Variants in PKHD1 observed in about 807,000 individuals in gnomAD.
PKHD1 encodes fibrocystin.
Under a neutral mutation model 412.0 loss-of-function variants are expected in PKHD1, and 291 were observed. The observed-to-expected ratio is 0.71, with a 90% confidence interval of 0.64 to 0.78. PKHD1 has a LOEUF of 0.78. PKHD1 is among the 30% of genes least tolerant of loss of function. PKHD1 has a pLI of 0.00. For missense variants in PKHD1, 4,825 were observed against 4,950.7 expected (o/e 0.97, Z 0.76); for synonymous variants, 1,777 against 1,821.5 (o/e 0.98, Z 0.62).
Position 52,083,258 on chromosome 6 carries a change from G to T in PKHD1, c.53-3C>A, listed in dbSNP as rs1021843705. 1.3e-6 allele frequency: 2 copies of T among 1,587,916 alleles called. No homozygotes were observed. The highest frequency in any genetic ancestry group is 1.7e-6 in the Non-Finnish European group (2 of 1,156,088). ...AATATGTAAACTCAGGTGACGTACT[G>T]TAAGTAAGTGAAAAAAAACATTGGT... is the stretch of plus-strand genomic sequence containing the variant. On this transcript the variant is annotated splice_polypyrimidine_tract_variant and splice_region_variant and intron_variant, in intron 2 of 66. Transcript: ENST00000371117.
At chr6:51,973,432 CGT>C (rs1404908037) in intron 35 of PKHD1, among the ~76,000 whole-genome samples, 1 of 152,136 alleles carries the variant, frequency 6.6e-6, no homozygotes, top group Non-Finnish European at 1.5e-5. Context: ...TATACACATA[CGT>C]TTATACCAAA....
At position 52,025,408 on chromosome 6, in the gene PKHD1, G is replaced by A. The variant is rs1320345398; in HGVS notation, c.4402C>T (p.Leu1468=). The A allele has an allele frequency of 1.2e-6, 2 of 1,610,160 alleles. No individual in the cohort carries two copies. Among genetic ancestry groups the A allele is most frequent in the African/African-American group, 1.3e-5 (1 of 74,784 alleles). ...SLNVTVLVNG[L]TSECQGNCTL... is the part of the protein sequence containing the mutation. ...CAATTCCCCTGACACTCGCTGGTTA[G>A]CCCATTGACCAGGACTGTGACGTTC... The change falls in exon 32 of 67, where the codon CTA becomes TTA. Residue 1468 remains leucine (L), a synonymous_variant. Transcript: ENST00000371117.
At chr6:51,684,171 G>A (rs757570111) in intron 60 of PKHD1, among the ~76,000 whole-genome samples, 2 of 152,014 alleles carry the variant, frequency 1.3e-5, no homozygotes, top group Non-Finnish European at 2.9e-5. Context: ...TTCCAAATAA[G>A]AAAGTTGAAC....
At chr6:51,921,427 G>A (rs1246047291) in intron 37 of PKHD1, among the ~76,000 whole-genome samples, 6 of 152,152 alleles carry the variant, frequency 3.9e-5, no homozygotes, top group Non-Finnish European at 5.9e-5. Context: ...TTCTCAAGGA[G>A]TATCTTTGTG....
chr6:51,694,749 A>G (rs1311838040), intron 60 of PKHD1, among the ~76,000 whole-genome samples: 2 of 152,044 alleles, frequency 1.3e-5, no homozygotes, highest in Non-Finnish European at 2.9e-5. Context: ...GTTCAAATCA[A>G]GAGTTGGTGC....
chr6:51,801,043 T>G (rs1762833679), intron 52 of PKHD1, among the ~76,000 whole-genome samples: 1 of 152,214 alleles, frequency 6.6e-6, no homozygotes, highest in Admixed American at 6.5e-5. Flanking sequence ...GAATCACTAT[T>G]AAATGATCTA....
At chr6:52,047,252 C>A (rs1355915045) in intron 23 of PKHD1, among the ~76,000 whole-genome samples, 1 of 152,040 alleles carries the variant, frequency 6.6e-6, no homozygotes, top group Non-Finnish European at 1.5e-5. Flanking sequence ...AGAGGCAGGG[C>A]ACGATTGATG....
intron 60 of PKHD1, among the ~76,000 whole-genome samples, chr6:51,733,634 A>T (rs766248040): frequency 6.6e-6 from 1 of 152,206 alleles, no homozygotes; most frequent in African/African-American, 2.4e-5. Flanking sequence ...AACTAAAAAA[A>T]TGTCATATAT....
At chr6:52,070,092 G>A (rs544568828) in intron 10 of PKHD1, among the ~76,000 whole-genome samples, 1 of 152,094 alleles carries the variant, frequency 6.6e-6, no homozygotes, top group Admixed American at 6.5e-5. Context: ...TGTATTTCAT[G>A]AAACCATGTT....
At chr6:51,820,800 T>G (rs1410425914) in intron 52 of PKHD1, among the ~76,000 whole-genome samples, 3 of 152,146 alleles carry the variant, frequency 2.0e-5, no homozygotes, top group African/African-American at 7.2e-5. Context: ...AGTTCTTATC[T>G]CTAAACCTCT....
At chr6:51,683,644 C>T (rs1777010689) in intron 60 of PKHD1, among the ~76,000 whole-genome samples, 1 of 151,924 alleles carries the variant, frequency 6.6e-6, no homozygotes, top group Non-Finnish European at 1.5e-5. Flanking sequence ...CATAGTAATC[C>T]TAGGTTTTAT....
chr6:51,714,863 C>T (rs1781070536), intron 60 of PKHD1, among the ~76,000 whole-genome samples: 1 of 152,090 alleles, frequency 6.6e-6, no homozygotes, highest in Admixed American at 6.6e-5. Flanking sequence ...ATCACATTTA[C>T]CAATCTGTTA....
chr6:51,921,573 G>A lies in PKHD1; in HGVS notation c.6122-8997C>T, dbSNP rs577336967. ...TCACTTTCAGGTACACCAATCAGAC[G>A]TAGATTTGGTCTTTTCACATAGTCC... On this transcript the variant is annotated intron_variant, in intron 37 of 66. Transcript: ENST00000371117. Among the ~76,000 whole-genome samples, 10 of 152,280 alleles carry A rather than the reference G, an allele frequency of 6.6e-5. 1 individual carries two copies. Among genetic ancestry groups the A allele is most frequent in the South Asian group, 6.2e-4 (3 of 4,820 alleles).
intron 36 of PKHD1, among the ~76,000 whole-genome samples, chr6:51,949,779 G>C (rs569714235): frequency 6.6e-6 from 1 of 152,234 alleles, no homozygotes; most frequent in South Asian, 2.1e-4. Context: ...TTTAAGGATT[G>C]GGGGCAAAGG....
intron 54 of PKHD1, among the ~76,000 whole-genome samples, chr6:51,775,454 T>C (rs1790861936): frequency 6.6e-6 from 1 of 151,948 alleles, no homozygotes; most frequent in African/African-American, 2.4e-5. Context: ...TATTAATTTA[T>C]AGATCTATCA....
At chr6:52,004,457 G>T (rs1001915514) in intron 35 of PKHD1, among the ~76,000 whole-genome samples, 2 of 151,850 alleles carry the variant, frequency 1.3e-5, no homozygotes, top group African/African-American at 4.8e-5. Flanking sequence ...TATCTAGTAC[G>T]TTTCAACATC....
At chr6:51,974,721 T>C (rs1277707210) in intron 35 of PKHD1, among the ~76,000 whole-genome samples, 2 of 151,438 alleles carry the variant, frequency 1.3e-5, no homozygotes, top group Non-Finnish European at 2.9e-5. Flanking sequence ...TGGGAGGGAG[T>C]GAGGGATAAA....
chr6:51,888,649 C>G (rs1174387654), intron 43 of PKHD1, among the ~76,000 whole-genome samples: 1 of 151,876 alleles, frequency 6.6e-6, no homozygotes, highest in African/African-American at 2.4e-5. Context: ...CCTCACCCTT[C>G]CTGGTTCACT....
chr6:51,682,050 T>A (rs1205917695), intron 60 of PKHD1: 1 of 200,468 alleles, frequency 5.0e-6, no homozygotes, highest in African/African-American at 2.4e-5. Context: ...AAACGAGAAA[T>A]AAGCCTTTGT....
Sources: allele counts gnomAD v4.1 joint callset (sites outside exome capture counted in the v4.1 genomes callset), GRCh38; gene constraint gnomAD v4.1.1; transcripts MANE v1.5; gene names NCBI Gene and HGNC (gene_info 2026-07-23, HGNC 2026-07-21).